The following CNTNAP2 variants were observed in gnomAD, a reference collection of about 807,000 sequenced individuals.
CNTNAP2 encodes contactin-associated protein-like 2.
Under a neutral mutation model 155.2 loss-of-function variants are expected in CNTNAP2, and 98 were observed. That is an observed-to-expected ratio of 0.63 (90% CI 0.54 to 0.75). CNTNAP2 has a LOEUF of 0.75. Ranked by LOEUF, CNTNAP2 falls within the 30% of genes least tolerant of loss-of-function variation. The pLI is 0.00. For synonymous variants in CNTNAP2, 651 were observed against 631.2 expected (o/e 1.03, Z -0.47); for missense variants, 1,727 against 1,688.1 (o/e 1.02, Z -0.40).
At chr7:146,349,261 T>C (rs1794875437) in intron 1 of CNTNAP2, among the ~76,000 whole-genome samples, 1 of 139,228 alleles carries the variant, frequency 7.2e-6, no homozygotes, top group Non-Finnish European at 1.5e-5. Flanking sequence ...AACGAGGTCA[T>C]ACATAGGTGT....
At chr7:146,646,025 T>C (rs1799805697) in intron 1 of CNTNAP2, among the ~76,000 whole-genome samples, 1 of 152,208 alleles carries the variant, frequency 6.6e-6, no homozygotes, top group African/African-American at 2.4e-5. Context: ...CGAATTACTA[T>C]GTTAAAACTT....
Position 147,223,588 on chromosome 7 carries a change from A to G in CNTNAP2, c.1349-76553A>G, listed in dbSNP as rs529639720. Among the ~76,000 whole-genome samples the G allele has an allele frequency of 3.3e-5, 5 of 152,306 alleles. No homozygotes were observed. The South Asian group carries it at 8.3e-4, about 25-fold the overall frequency. On this transcript the variant is annotated intron_variant, in intron 8 of 23. Coordinates refer to ENST00000361727, the MANE Select transcript of CNTNAP2 (RefSeq NM_014141.6). ...AGGAGGAACAGGAACGCAGTGTGGG[A>G]TATTCTAGCCAGTTATTCCTTATCT...
At chr7:148,341,323 T>A (rs1370240262) in intron 21 of CNTNAP2, among the ~76,000 whole-genome samples, 4 of 152,072 alleles carry the variant, frequency 2.6e-5, no homozygotes, top group African/African-American at 9.7e-5. Flanking sequence ...TACTACCTAG[T>A]TCTAATCCGT....
chr7:146,311,362 C>T (rs887480828), intron 1 of CNTNAP2, among the ~76,000 whole-genome samples: 2 of 151,886 alleles, frequency 1.3e-5, no homozygotes, highest in African/African-American at 4.8e-5. Context: ...ATTTCTACGC[C>T]ACAAATACCT....
At chr7:146,507,668 C>T (rs569770705) in intron 1 of CNTNAP2, among the ~76,000 whole-genome samples, 1 of 152,158 alleles carries the variant, frequency 6.6e-6, no homozygotes, top group Non-Finnish European at 1.5e-5. Context: ...CTTTGGCAGA[C>T]AATCCAGGCC....
At chr7:146,801,298 CA>C (rs1257292686) in intron 2 of CNTNAP2, among the ~76,000 whole-genome samples, 1 of 152,174 alleles carries the variant, frequency 6.6e-6, no homozygotes, top group Non-Finnish European at 1.5e-5. Context: ...GATCCACCCC[CA>C]TGATCCAAAC....
intron 13 of CNTNAP2, among the ~76,000 whole-genome samples, chr7:147,735,817 T>TAATTAA (rs1796833329): frequency 6.6e-6 from 1 of 151,778 alleles, no homozygotes; most frequent in African/African-American, 2.4e-5. Context: ...GGTTTAAAGT[T>TAATTAA]TGTTTTATCA....
intron 16 of CNTNAP2, among the ~76,000 whole-genome samples, chr7:148,125,151 C>T (rs1047968322): frequency 5.3e-5 from 8 of 151,948 alleles, no homozygotes; most frequent in South Asian, 2.1e-4. Context: ...CTAAAATGAA[C>T]GTAAGAAGAA....
At chr7:147,112,489 T>G (rs960229754) in intron 5 of CNTNAP2, among the ~76,000 whole-genome samples, 1 of 152,340 alleles carries the variant, frequency 6.6e-6, no homozygotes, top group South Asian at 2.1e-4. Flanking sequence ...CCATTCAGTA[T>G]GATATTGGCT....
At chr7:146,180,239 A>G (rs1228345312) in intron 1 of CNTNAP2, among the ~76,000 whole-genome samples, 1 of 152,298 alleles carries the variant, frequency 6.6e-6, no homozygotes, top group Non-Finnish European at 1.5e-5. Flanking sequence ...GCCTTCAGCT[A>G]CTAGTGAGTT....
intron 1 of CNTNAP2, among the ~76,000 whole-genome samples, chr7:146,519,684 G>A (rs533253879): frequency 2.3e-4 from 35 of 151,984 alleles, no homozygotes; most frequent in African/African-American, 8.4e-4. Flanking sequence ...ATATGGTAAA[G>A]ACAAGGAATC....
intron 1 of CNTNAP2, among the ~76,000 whole-genome samples, chr7:146,271,220 A>G (rs920687206): frequency 3.9e-5 from 6 of 152,036 alleles, no homozygotes; most frequent in Non-Finnish European, 8.8e-5. Flanking sequence ...TTTATCATCA[A>G]ACCTTAACCC....
chr7:148,118,439 T>C (rs1319627269), intron 16 of CNTNAP2, 151 bp downstream of exon 16: 1 of 850,638 alleles, frequency 1.2e-6, no homozygotes, highest in African/African-American at 1.7e-5. Context: ...AAGCCTGAGT[T>C]TGGGCTCCAA....
At chr7:146,315,862 C>T (rs1800896915) in intron 1 of CNTNAP2, among the ~76,000 whole-genome samples, 1 of 152,034 alleles carries the variant, frequency 6.6e-6, no homozygotes, top group Non-Finnish European at 1.5e-5. Flanking sequence ...TTGAAATGGG[C>T]CAGACAGACA....
intron 13 of CNTNAP2, among the ~76,000 whole-genome samples, chr7:147,892,892 T>A (rs762223328): frequency 3.7e-4 from 57 of 152,210 alleles, no homozygotes; most frequent in Non-Finnish European, 2.9e-4. Context: ...GCTAATCAAC[T>A]GCATTTATTT....
chr7:146,483,599 G>A (rs1354004452), intron 1 of CNTNAP2, among the ~76,000 whole-genome samples: 2 of 149,876 alleles, frequency 1.3e-5, no homozygotes, highest in East Asian at 2.0e-4. Flanking sequence ...ATAGTTTATA[G>A]ATAATTCCAA....
intron 13 of CNTNAP2, among the ~76,000 whole-genome samples, chr7:147,769,749 A>G (rs1369445770): frequency 6.6e-6 from 1 of 152,136 alleles, no homozygotes; most frequent in Non-Finnish European, 1.5e-5. Flanking sequence ...CTTGGGCAAG[A>G]TATGTATAAG....
intron 13 of CNTNAP2, among the ~76,000 whole-genome samples, chr7:147,886,193 C>A (rs937929450): frequency 4.6e-5 from 7 of 152,120 alleles, no homozygotes; most frequent in African/African-American, 1.7e-4. Flanking sequence ...GCGGTTCTGG[C>A]TGGGCGCAGT....
chr7:148,362,006 G>A lies in CNTNAP2; in HGVS notation c.3476-21643G>A, dbSNP rs148712162. Among the ~76,000 whole-genome samples the A allele has an allele frequency of 3.0e-3, 457 of 152,188 alleles. 2 individuals carry two copies. Among genetic ancestry groups the A allele is most frequent in the South Asian group, 8.5e-3 (41 of 4,820 alleles). On this transcript the variant is annotated intron_variant, in intron 21 of 23. Coordinates refer to ENST00000361727, the MANE Select transcript of CNTNAP2 (RefSeq NM_014141.6). ...GAGCAGATCATGAAGTTAGGGGTTCGAGACCAGCCTAGCCAATACAGTGAA... is the reference window on the plus strand; with the variant it reads ...GAGCAGATCATGAAGTTAGGGGTTCAAGACCAGCCTAGCCAATACAGTGAA...
Sources: allele counts gnomAD v4.1 joint callset (sites outside exome capture counted in the v4.1 genomes callset), GRCh38; gene constraint gnomAD v4.1.1; transcripts MANE v1.5; gene names NCBI Gene and HGNC (gene_info 2026-07-23, HGNC 2026-07-21).